LRP1B: variants seen among roughly 807,000 people sequenced by gnomAD.
LRP1B encodes the protein LDL receptor related protein 1B.
A neutral mutation model predicts 556.6 loss-of-function variants in LRP1B; 217 were observed. That is an observed-to-expected ratio of 0.39 (90% CI 0.35 to 0.44). LRP1B has a LOEUF of 0.44. Ranked by LOEUF, LRP1B falls within the 20% of genes least tolerant of loss-of-function variation. The pLI is 1.00. For synonymous variants in LRP1B, 2,047 were observed against 1,865.8 expected (o/e 1.10, Z -2.50); for missense variants, 5,053 against 5,620.8 (o/e 0.90, Z 3.23).
intron 1 of LRP1B, among the ~76,000 whole-genome samples, chr2:142,098,778 T>C (rs1706468521): frequency 6.6e-6 from 1 of 151,868 alleles, no homozygotes; most frequent in South Asian, 2.1e-4. Context: ...TAACCTTAAT[T>C]GACTTGATGC....
intron 1 of LRP1B, among the ~76,000 whole-genome samples, chr2:141,815,381 C>A (rs1866027): frequency 0.19 from 29,264 of 151,966 alleles, 3,283 homozygotes; most frequent in East Asian, 0.4. Flanking sequence ...ACTTTTCTGT[C>A]GTACAAGAGG....
chr2:140,523,666 C>T (rs1211713601), intron 49 of LRP1B, among the ~76,000 whole-genome samples: 1 of 151,860 alleles, frequency 6.6e-6, no homozygotes, highest in Non-Finnish European at 1.5e-5. Flanking sequence ...ATCTCATAAT[C>T]AAGTTTAGTG....
At chr2:141,590,879 G>T (rs1036135979) in intron 2 of LRP1B, among the ~76,000 whole-genome samples, 1 of 152,116 alleles carries the variant, frequency 6.6e-6, no homozygotes, top group Non-Finnish European at 1.5e-5. Context: ...CGTTACAGAA[G>T]TCCTTTCCGT....
chr2:141,450,576 A>T (rs984940807), intron 3 of LRP1B, among the ~76,000 whole-genome samples: 9 of 148,466 alleles, frequency 6.1e-5, no homozygotes, highest in South Asian at 2.1e-4. Flanking sequence ...GCCATATTTT[A>T]AAAAAAAATA....
At chr2:141,993,750 CT>C (rs1360070742) in intron 1 of LRP1B, among the ~76,000 whole-genome samples, 1 of 152,050 alleles carries the variant, frequency 6.6e-6, no homozygotes, top group Non-Finnish European at 1.5e-5. Context: ...TTTATATTTC[CT>C]TGCCTTCTGT....
chr2:141,996,965 G>A (rs1370885677), intron 1 of LRP1B, among the ~76,000 whole-genome samples: 2 of 152,096 alleles, frequency 1.3e-5, no homozygotes, highest in Non-Finnish European at 2.9e-5. Context: ...AATTGTATAG[G>A]TTTCTTAGAG....
At chr2:140,849,408 T>TA (rs1491241533) in intron 29 of LRP1B, among the ~76,000 whole-genome samples, 47 of 7,094 alleles carry the variant, frequency 6.6e-3, no homozygotes, top group East Asian at 0.03. Flanking sequence ...AAAAACAAAA[T>TA]CCAAAAAAAA....
intron 41 of LRP1B, among the ~76,000 whole-genome samples, chr2:140,697,554 T>C (rs1686475999): frequency 6.6e-6 from 1 of 152,062 alleles, no homozygotes; most frequent in Non-Finnish European, 1.5e-5. Context: ...CTTAAACAAA[T>C]GACTGGATAA....
chr2:141,811,470 TG>T (rs1207041936), intron 1 of LRP1B, among the ~76,000 whole-genome samples: 6 of 152,042 alleles, frequency 3.9e-5, no homozygotes, highest in Non-Finnish European at 7.4e-5. Context: ...TTACACTCAA[TG>T]GTATCCTAGA....
intron 3 of LRP1B, among the ~76,000 whole-genome samples, chr2:141,453,793 A>C (rs1336673913): frequency 6.6e-6 from 1 of 151,986 alleles, no homozygotes; most frequent in African/African-American, 2.4e-5. Flanking sequence ...TGACACCTGC[A>C]GTTCCAGCTA....
chr2:140,517,333 G>C (rs913170364), intron 49 of LRP1B, among the ~76,000 whole-genome samples: 2 of 152,064 alleles, frequency 1.3e-5, no homozygotes, highest in Non-Finnish European at 2.9e-5. Context: ...TTAAAAAATA[G>C]ATACGACTCT....
At chr2:140,238,820 A>G (rs1480219106) in intron 88 of LRP1B, among the ~76,000 whole-genome samples, 2 of 150,584 alleles carry the variant, frequency 1.3e-5, no homozygotes, top group East Asian at 3.9e-4. Flanking sequence ...TTTCTCATCA[A>G]CCACCCCACT....
At chr2:140,847,968 C>T (rs1692327086) in intron 29 of LRP1B, among the ~76,000 whole-genome samples, 1 of 152,034 alleles carries the variant, frequency 6.6e-6, no homozygotes, top group African/African-American at 2.4e-5. Flanking sequence ...CACCAAATTA[C>T]TACCAGATAC....
chr2:141,927,536 T>A (rs1700367355), intron 1 of LRP1B, among the ~76,000 whole-genome samples: 1 of 152,142 alleles, frequency 6.6e-6, no homozygotes, highest in Admixed American at 6.6e-5. Flanking sequence ...GGTAAGTACC[T>A]GTAGGCATAT....
chr2:141,043,397 G>T (rs1170878412), intron 11 of LRP1B, among the ~76,000 whole-genome samples: 1 of 151,802 alleles, frequency 6.6e-6, no homozygotes, highest in Non-Finnish European at 1.5e-5. Context: ...CACAACAAAA[G>T]AAGCGGCAAA....
intron 41 of LRP1B, among the ~76,000 whole-genome samples, chr2:140,603,457 G>T (rs1030820899): frequency 6.6e-6 from 1 of 151,986 alleles, no homozygotes; most frequent in Non-Finnish European, 1.5e-5. Flanking sequence ...AGCATTACAC[G>T]CCTTTCATCG....
chr2:140,416,292 C>G (rs545428530), intron 66 of LRP1B, among the ~76,000 whole-genome samples: 50 of 152,232 alleles, frequency 3.3e-4, no homozygotes, highest in Non-Finnish European at 6.6e-4. Flanking sequence ...GATACTAGAG[C>G]TGATGAGTGG....
chr2:141,555,717 C>T (rs1685938204), intron 2 of LRP1B, among the ~76,000 whole-genome samples: 1 of 151,856 alleles, frequency 6.6e-6, no homozygotes, highest in Non-Finnish European at 1.5e-5. Context: ...ATTACAACCT[C>T]CTACACAGCT....
rs200844582 is a variant in LRP1B, at chr2:140,249,523, A to G, written c.13248-2361T>C. ...ATTCATAATCTTTACAGACTATTTT[A>G]CTTATTATATATTGGAAAAAACTCA... On this transcript the variant is annotated intron_variant, in intron 86 of 90. Transcript: ENST00000389484. Among the ~76,000 whole-genome samples the G allele has an allele frequency of 5.3e-5, 8 of 151,614 alleles. No individual in the cohort carries two copies. The East Asian group carries it at 1.4e-3, about 26-fold the overall frequency.
Sources: gnomAD v4.1 joint callset for allele counts (sites outside exome capture counted in the v4.1 genomes callset) on GRCh38, gnomAD v4.1.1 for gene constraint, MANE v1.5 for transcripts, NCBI Gene and HGNC (gene_info 2026-07-23, HGNC 2026-07-21) for gene names.